The following CNTNAP2 variants were observed in gnomAD, a reference collection of about 807,000 sequenced individuals.
CNTNAP2 encodes contactin-associated protein-like 2.
A neutral mutation model predicts 155.2 loss-of-function variants in CNTNAP2; 98 were observed. The ratio of observed to expected loss-of-function variants is 0.63; its 90% CI spans 0.54 to 0.75. The LOEUF is 0.75. CNTNAP2 is among the 30% of genes least tolerant of loss of function. CNTNAP2 has a pLI of 0.00. For missense variants in CNTNAP2, 1,727 were observed against 1,688.1 expected (o/e 1.02, Z -0.40); for synonymous variants, 651 against 631.2 (o/e 1.03, Z -0.47).
At chr7:147,883,725 C>T (rs144556680) in intron 13 of CNTNAP2, among the ~76,000 whole-genome samples, 74 of 152,018 alleles carry the variant, frequency 4.9e-4, no homozygotes, top group Middle Eastern at 3.4e-3. Flanking sequence ...TCAAAATGTG[C>T]GCATGATTTT....
intron 3 of CNTNAP2, among the ~76,000 whole-genome samples, chr7:147,037,707 A>G (rs1189695803): frequency 6.6e-6 from 1 of 152,132 alleles, no homozygotes; most frequent in African/African-American, 2.4e-5. Context: ...TTGAAAAAAT[A>G]GCATCCCTGA....
chr7:147,286,354 T>C (rs1403710980), intron 8 of CNTNAP2, among the ~76,000 whole-genome samples: 2 of 152,056 alleles, frequency 1.3e-5, no homozygotes, highest in African/African-American at 4.8e-5. Flanking sequence ...AACAATCTTA[T>C]CACTACAAAT....
chr7:148,316,110 C>T (rs1358610654), intron 21 of CNTNAP2, among the ~76,000 whole-genome samples: 1 of 151,958 alleles, frequency 6.6e-6, no homozygotes, highest in African/African-American at 2.4e-5. Context: ...TGGCAGGAAC[C>T]CAGTCCTGAA....
Position 147,159,781 on chromosome 7 carries a change from T to C in CNTNAP2, c.1348+27272T>C, listed in dbSNP as rs73154383. ...GTCATCATTTTGAGTCATCTAACCCTATGGTCACGCCTACCAACTCACAAT... is the reference window on the plus strand; with the variant it reads ...GTCATCATTTTGAGTCATCTAACCCCATGGTCACGCCTACCAACTCACAAT... On this transcript the variant is annotated intron_variant, in intron 8 of 23. Coordinates refer to ENST00000361727, the MANE Select transcript of CNTNAP2 (RefSeq NM_014141.6). 7.6e-4 allele frequency among the ~76,000 whole-genome samples: 116 copies of C among 152,266 alleles called. 1 individual carries two copies. Among genetic ancestry groups the C allele is most frequent in the Admixed American group, 4.9e-3 (75 of 15,280 alleles).
chr7:147,449,962 C>T (rs921747476), intron 10 of CNTNAP2, among the ~76,000 whole-genome samples: 4 of 152,140 alleles, frequency 2.6e-5, no homozygotes, highest in African/African-American at 9.7e-5. Context: ...CACTTCGGGA[C>T]ATCCTTCTCA....
At chr7:147,769,597 T>C (rs1365099714) in intron 13 of CNTNAP2, among the ~76,000 whole-genome samples, 2 of 152,132 alleles carry the variant, frequency 1.3e-5, no homozygotes, top group Non-Finnish European at 2.9e-5. Flanking sequence ...AGACTATGCT[T>C]GCATTTAAAG....
intron 1 of CNTNAP2, among the ~76,000 whole-genome samples, chr7:146,242,431 C>G (rs191073328): frequency 3.3e-5 from 5 of 151,294 alleles, no homozygotes; most frequent in African/African-American, 1.2e-4. Context: ...CCCAGCTACT[C>G]GGGAGGCTAA....
At chr7:147,306,212 A>C (rs137901164) in intron 9 of CNTNAP2, among the ~76,000 whole-genome samples, 20 of 152,318 alleles carry the variant, frequency 1.3e-4, no homozygotes, top group African/African-American at 4.8e-4. Context: ...TCTAATGAAA[A>C]ATTAGCAGAC....
At chr7:147,652,226 G>T (rs956274872) in intron 13 of CNTNAP2, among the ~76,000 whole-genome samples, 2 of 152,112 alleles carry the variant, frequency 1.3e-5, no homozygotes, top group Admixed American at 1.3e-4. Context: ...CAGTGGCTGG[G>T]TAAATAGTTT....
intron 3 of CNTNAP2, among the ~76,000 whole-genome samples, chr7:146,946,101 T>TC (rs1397693322): frequency 2.1e-4 from 32 of 150,070 alleles, no homozygotes; most frequent in African/African-American, 7.9e-4. Flanking sequence ...TTCCTTTCCT[T>TC]CTTTCCTTCC....
intron 4 of CNTNAP2, among the ~76,000 whole-genome samples, chr7:147,049,435 A>G (rs1440366339): frequency 9.2e-5 from 14 of 152,218 alleles, no homozygotes; most frequent in Non-Finnish European, 1.5e-4. Context: ...TCAAACTAGA[A>G]TGAGTCCTTA....
intron 10 of CNTNAP2, among the ~76,000 whole-genome samples, chr7:147,454,429 C>G (rs1230512196): frequency 6.6e-6 from 1 of 152,020 alleles, no homozygotes; most frequent in Non-Finnish European, 1.5e-5. Context: ...TTGTGATTTT[C>G]TTTATTTTGT....
At chr7:147,682,966 T>TAC (rs1795969562) in intron 13 of CNTNAP2, among the ~76,000 whole-genome samples, 1 of 151,938 alleles carries the variant, frequency 6.6e-6, no homozygotes, top group East Asian at 1.9e-4. Flanking sequence ...CTAAAGGGTT[T>TAC]ACACACACAC....
At chr7:148,412,932 T>A (rs1348697857) in intron 23 of CNTNAP2, among the ~76,000 whole-genome samples, 1 of 152,222 alleles carries the variant, frequency 6.6e-6, no homozygotes, top group African/African-American at 2.4e-5. Flanking sequence ...TTTTTCCACA[T>A]CTATTTAGAT....
intron 1 of CNTNAP2, among the ~76,000 whole-genome samples, chr7:146,457,773 G>T (rs1363372055): frequency 2.0e-5 from 3 of 151,552 alleles, no homozygotes; most frequent in Admixed American, 6.6e-5. Context: ...AAAGTGCTGG[G>T]ATTACAGGTG....
At chr7:147,357,438 G>A (rs567140175) in intron 9 of CNTNAP2, among the ~76,000 whole-genome samples, 4 of 152,164 alleles carry the variant, frequency 2.6e-5, no homozygotes, top group South Asian at 2.1e-4. Context: ...TTCATGGGAA[G>A]TCTTGGCAAT....
At chr7:147,668,281 G>T (rs141824502) in intron 13 of CNTNAP2, among the ~76,000 whole-genome samples, 1 of 152,160 alleles carries the variant, frequency 6.6e-6, no homozygotes, top group African/African-American at 2.4e-5. Flanking sequence ...TGAATGGTTC[G>T]TTCATAGAGG....
rs896465057 is a variant in CNTNAP2 at position 148,017,586 on chromosome 7, A to G, written c.2383+39597A>G. ...TGTATATATGTTCTAGTTTTAGAAT[A>G]TAAACTAGAACTAGAATCTAAGTAG... On this transcript the variant is annotated intron_variant, in intron 15 of 23. Transcript: ENST00000361727. Among the ~76,000 whole-genome samples the G allele has an allele frequency of 1.7e-4, 26 of 152,234 alleles. 1 individual carries two copies. Among genetic ancestry groups the G allele is most frequent in the African/African-American group, 2.4e-5 (1 of 41,462 alleles).
chr7:146,955,486 T>G (rs951975571), intron 3 of CNTNAP2, among the ~76,000 whole-genome samples: 1 of 152,120 alleles, frequency 6.6e-6, no homozygotes, highest in Middle Eastern at 3.4e-3. Context: ...AAAACCACTT[T>G]TGTATAAATT....
Sources: gnomAD v4.1 joint callset for allele counts (sites outside exome capture counted in the v4.1 genomes callset) on GRCh38, gnomAD v4.1.1 for gene constraint, MANE v1.5 for transcripts, NCBI Gene and HGNC (gene_info 2026-07-23, HGNC 2026-07-21) for gene names.